Variants in OTOGL observed in about 807,000 individuals in gnomAD.
The protein encoded by OTOGL is otogelin like.
OTOGL carries 285 observed loss-of-function variants against 318.5 expected under a neutral mutation model. That is an observed-to-expected ratio of 0.89 (90% CI 0.81 to 0.99). The LOEUF (loss-of-function observed/expected upper bound fraction) is 0.99, where lower values mean the gene tolerates loss of function less well. Ranked by LOEUF, OTOGL falls within the 50% of genes least tolerant of loss-of-function variation. The probability of loss-of-function intolerance (pLI) is 0.00; values close to 1 mark genes in which losing one functional copy is unlikely to be tolerated. For missense variants in OTOGL, 2,899 were observed against 2,845.6 expected (o/e 1.02, Z -0.43); for synonymous variants, 987 against 936.5 (o/e 1.05, Z -0.99).
chr12:80,228,731 T>A (rs1225794008), intron 7 of OTOGL, among the ~76,000 whole-genome samples: 1 of 152,108 alleles, frequency 6.6e-6, no homozygotes, highest in African/African-American at 2.4e-5. Context: ...TCTTTTTTTT[T>A]AAACTAATTT....
rs1314689906 is a variant in OTOGL at position 80,341,950 on chromosome 12, A to C, written c.5053A>C (p.Ile1685Leu). The change falls in exon 44 of 59, where the codon ATT (isoleucine) becomes CTT (leucine). Residue 1685 changes from isoleucine (I) to leucine (L), a missense_variant and splice_region_variant. Physicochemically the swap from Ile to Leu is conservative, Grantham distance 5. Coordinates refer to ENST00000547103, the MANE Select transcript of OTOGL (RefSeq NM_001378609.3). ...TAACTGTCATATATTCTTTCAAGGA[A>C]TTTGCAATGAAGATCCGGATGATGA... is the stretch of plus-strand genomic sequence containing the variant. ...LSSYTEGLCG[I>L]CNEDPDDDLR... 1 of 1,595,608 alleles carries C rather than the reference A, an allele frequency of 6.3e-7. No homozygotes were observed. Among genetic ancestry groups the C allele is most frequent in the East Asian group, 2.2e-5 (1 of 44,574 alleles).
chr12:80,131,674 G>A (rs1371759700), intron 1 of OTOGL: 8 of 151,994 alleles, frequency 5.3e-5, no homozygotes, highest in Admixed American at 6.6e-5. Flanking sequence ...ACAACAAATG[G>A]CATTTATTTA....
At chr12:80,153,119 T>C (rs1872891753) in intron 1 of OTOGL, among the ~76,000 whole-genome samples, 1 of 152,248 alleles carries the variant, frequency 6.6e-6, no homozygotes, top group Admixed American at 6.5e-5. Context: ...CCTTTTGGAC[T>C]GCTGTAGCAA....
At chr12:80,277,978 T>G (rs1156895413) in intron 24 of OTOGL, among the ~76,000 whole-genome samples, 190 bp from the exon 25 acceptor site, 6 of 151,498 alleles carry the variant, frequency 4.0e-5, no homozygotes, top group Non-Finnish European at 7.4e-5. Flanking sequence ...CATTTAGTAC[T>G]GCGATATGTA....
chr12:80,357,828 GTCAT>G (rs1890004148), intron 49 of OTOGL, among the ~76,000 whole-genome samples: 1 of 152,124 alleles, frequency 6.6e-6, no homozygotes, highest in African/African-American at 2.4e-5. Flanking sequence ...TTTCCTCAAG[GTCAT>G]TCAGAGACTA....
intron 1 of OTOGL, among the ~76,000 whole-genome samples, chr12:80,148,031 T>C (rs1327809266): frequency 1.3e-5 from 2 of 152,132 alleles, no homozygotes; most frequent in African/African-American, 2.4e-5. Flanking sequence ...TGTGTCTTAA[T>C]TGGAGCATTT....
chr12:80,134,166 A>AT (rs1218238946), intron 1 of OTOGL, among the ~76,000 whole-genome samples: 2 of 152,078 alleles, frequency 1.3e-5, no homozygotes, highest in Non-Finnish European at 2.9e-5. Context: ...CCTTTAGATT[A>AT]TTTTCCTCTC....
intron 44 of OTOGL, among the ~76,000 whole-genome samples, chr12:80,347,890 CAT>C (rs1889297994): frequency 6.6e-6 from 1 of 152,042 alleles, no homozygotes. Flanking sequence ...ACCTTTTTTT[CAT>C]ATGTTTGTTG....
At chr12:80,268,434 C>G (rs12810247) in intron 22 of OTOGL, among the ~76,000 whole-genome samples, 8 of 152,078 alleles carry the variant, frequency 5.3e-5, no homozygotes, top group African/African-American at 1.9e-4. Flanking sequence ...CAACCTGGCT[C>G]GGCAGTGCTT....
chr12:80,228,422 A>G (rs570186775), intron 7 of OTOGL, among the ~76,000 whole-genome samples: 1 of 152,218 alleles, frequency 6.6e-6, no homozygotes, highest in East Asian at 1.9e-4. Context: ...AGCGTGGGTG[A>G]CAGAGAGAGG....
intron 1 of OTOGL, among the ~76,000 whole-genome samples, chr12:80,142,633 C>A (rs1872028372): frequency 6.6e-6 from 1 of 152,160 alleles, no homozygotes; most frequent in South Asian, 2.1e-4. Context: ...TCACTGCTTG[C>A]AGCCTAGGAA....
chr12:80,366,632 T>TCTG lies in OTOGL; in HGVS notation c.6327_6329dup (p.Cys2110dup). 7.2e-7 allele frequency: 1 copy of TCTG among 1,390,294 alleles called. No individual in the cohort carries two copies. The highest frequency in any genetic ancestry group is 1.7e-5 in the South Asian group (1 of 57,590). The allele number at this position is 1,390,294 out of a possible 1,614,324, so 86.1% of individuals were successfully genotyped here. On this transcript the variant is annotated inframe_insertion, in exon 53 of 59. Coordinates refer to ENST00000547103, the MANE Select transcript of OTOGL (RefSeq NM_001378609.3). ...AGTGATTGTGGATGCATACAGTATC[T>TCTG]CTGTGGTAACTATGTCTTTTGTAAC...
Position 80,231,285 on chromosome 12 carries a change from G to T in OTOGL, c.612-1607G>T, listed in dbSNP as rs561850020. 4.4e-3 allele frequency among the ~76,000 whole-genome samples: 663 copies of T among 152,070 alleles called. 5 individuals carry two copies. The highest frequency in any genetic ancestry group is 0.015 in the African/African-American group (638 of 41,474). ...TCCTCATATTTATAATTTTTAATAA[G>T]AATGCATTATGGCAGTAGTTAGCTA... On this transcript the variant is annotated intron_variant, in intron 8 of 58. Transcript: ENST00000547103.
intron 43 of OTOGL, among the ~76,000 whole-genome samples, chr12:80,340,060 A>G (rs1259663361): frequency 6.6e-6 from 1 of 152,178 alleles, no homozygotes; most frequent in Non-Finnish European, 1.5e-5. Context: ...GTGAAAGTTA[A>G]TGTAAACACA....
chr12:80,310,529 A>T, intron 29 of OTOGL, 82 bp from the exon 30 acceptor site: 1 of 878,674 alleles, frequency 1.1e-6, no homozygotes, highest in Non-Finnish European at 1.8e-6. Flanking sequence ...GCGCAATTGT[A>T]ATGAGTGAAG....
intron 56 of OTOGL, among the ~76,000 whole-genome samples, chr12:80,371,093 C>A (rs996217964): frequency 6.6e-6 from 1 of 152,012 alleles, no homozygotes; most frequent in Non-Finnish European, 1.5e-5. Flanking sequence ...GATGTTTGCC[C>A]TAGCTTTTCT....
chr12:80,309,401 T>C (rs988546372), intron 29 of OTOGL, among the ~76,000 whole-genome samples: 2 of 152,024 alleles, frequency 1.3e-5, no homozygotes, highest in African/African-American at 2.4e-5. Context: ...AAAGTGAAAT[T>C]TATGGGAAAG....
In OTOGL at chr12:80,209,396, A is replaced by G. The variant is rs1877064191; in HGVS notation, c.-19-17A>G. On this transcript the variant is annotated splice_polypyrimidine_tract_variant and intron_variant, in intron 1 of 58. Coordinates refer to ENST00000547103, the MANE Select transcript of OTOGL (RefSeq NM_001378609.3). ...GATGCCATCATAATAAAGACCATCAATTTGGTTACATTTCAGGGGGAAAGG... is the reference window on the plus strand; with the variant it reads ...GATGCCATCATAATAAAGACCATCAGTTTGGTTACATTTCAGGGGGAAAGG... The G allele has an allele frequency of 7.3e-7, 1 of 1,362,312 alleles. No homozygotes were observed. Among genetic ancestry groups the G allele is most frequent in the Non-Finnish European group, 9.8e-7 (1 of 1,020,594 alleles). 84.4% of individuals were successfully genotyped at this position (1,362,312 alleles called of 1,614,324 possible). A position where few individuals can be genotyped will look rare whatever the true frequency, so the allele number is the denominator to read the frequency against.
intron 1 of OTOGL, among the ~76,000 whole-genome samples, chr12:80,185,344 G>T (rs1245014056): frequency 6.6e-6 from 1 of 152,098 alleles, no homozygotes; most frequent in Non-Finnish European, 1.5e-5. Flanking sequence ...GTGCAGTGGT[G>T]CAATCTTGGC....
Sources: allele counts gnomAD v4.1 joint callset (sites outside exome capture counted in the v4.1 genomes callset), GRCh38; gene constraint gnomAD v4.1.1; transcripts MANE v1.5; gene names NCBI Gene and HGNC (gene_info 2026-07-23, HGNC 2026-07-21).